Variants in TTC7B observed in about 807,000 individuals in gnomAD.
TTC7B encodes tetratricopeptide repeat protein 7B.
Under a neutral mutation model 106.8 loss-of-function variants are expected in TTC7B, and 28 were observed. That is an observed-to-expected ratio of 0.26 (90% CI 0.19 to 0.36). TTC7B has a LOEUF of 0.36. Ranked by LOEUF, TTC7B falls within the 10% of genes least tolerant of loss-of-function variation. The pLI, the probability that TTC7B is intolerant of heterozygous loss-of-function variation, is 1.00. For synonymous variants in TTC7B, 405 were observed against 430.6 expected (o/e 0.94, Z 0.74); for missense variants, 862 against 1,076.4 (o/e 0.80, Z 2.79).
At chr14:90,655,170 CAT>C in intron 11 of TTC7B, 60 bp from the exon 12 acceptor site, 1 of 1,308,236 alleles carries the variant, frequency 7.6e-7, no homozygotes, top group African/African-American at 1.4e-5. Context: ...CATGAGTTCC[CAT>C]AAGCGTCTGC....
intron 16 of TTC7B, among the ~76,000 whole-genome samples, chr14:90,615,559 G>A (rs1311547220): frequency 3.3e-5 from 5 of 152,180 alleles, no homozygotes; most frequent in Non-Finnish European, 7.3e-5. Flanking sequence ...CTAAAACACT[G>A]TATGCCCTGA....
At chr14:90,765,266 C>T (rs11849867) in intron 3 of TTC7B, among the ~76,000 whole-genome samples, 41,247 of 151,786 alleles carry the variant, frequency 0.27, 9,151 homozygotes, top group African/African-American at 0.62. Flanking sequence ...TCTATAGAGA[C>T]AGGGTATAGA....
intron 4 of TTC7B, among the ~76,000 whole-genome samples, chr14:90,737,518 C>G (rs146332228): frequency 1.3e-5 from 2 of 149,694 alleles, no homozygotes; most frequent in African/African-American, 4.9e-5. Flanking sequence ...AGAAGCCAGC[C>G]ATAAAAGATC....
intron 19 of TTC7B, among the ~76,000 whole-genome samples, chr14:90,552,962 G>A (rs1890149704): frequency 6.6e-6 from 1 of 152,246 alleles, no homozygotes; most frequent in Admixed American, 6.5e-5. Flanking sequence ...GGGGTGTGGA[G>A]CCCCAGAGAA....
At chr14:90,637,544 A>G (rs1884997964) in intron 15 of TTC7B, among the ~76,000 whole-genome samples, 1 of 152,190 alleles carries the variant, frequency 6.6e-6, no homozygotes, top group South Asian at 2.1e-4. Context: ...TTGATGCCAA[A>G]ATCTGGCAAG....
intron 3 of TTC7B, among the ~76,000 whole-genome samples, chr14:90,769,983 T>C (rs956142790): frequency 2.0e-5 from 3 of 151,092 alleles, no homozygotes; most frequent in Admixed American, 6.6e-5. Flanking sequence ...ACCCCATCTC[T>C]ACAAAAAATA....
intron 15 of TTC7B, among the ~76,000 whole-genome samples, chr14:90,623,655 G>C (rs1884309780): frequency 1.3e-5 from 2 of 152,232 alleles, no homozygotes; most frequent in Admixed American, 1.3e-4. Context: ...CTTGAGTAGG[G>C]CTGCAGGTGA....
At chr14:90,647,203 T>A in intron 13 of TTC7B, 180 bp from the exon 14 acceptor site, 1 of 594,484 alleles carries the variant, frequency 1.7e-6, no homozygotes, top group South Asian at 1.9e-5. Context: ...ATTTCCCTCT[T>A]ACCACTGTAT....
In TTC7B at chr14:90,540,700, C is replaced by T. The variant is rs1889544268; in HGVS notation, c.*668G>A. 1 of 153,676 alleles carries T rather than the reference C, an allele frequency of 6.5e-6. No homozygotes were observed. The highest frequency in any genetic ancestry group is 2.1e-4 in the South Asian group (1 of 4,826). The allele number at this position is 153,676 out of a possible 1,614,324, so 9.5% of individuals were successfully genotyped here. A position where few individuals can be genotyped will look rare whatever the true frequency, so the allele number is the denominator to read the frequency against. The stretch of plus-strand genomic sequence containing the variant: ...TTTGAAGCTTCTTTGTACATATTTC[C>T]CTCGATAAATAAACTCTGAATTCAC... On this transcript the variant is annotated 3_prime_UTR_variant, in exon 20 of 20. Coordinates refer to ENST00000328459, the MANE Select transcript of TTC7B (RefSeq NM_001010854.2).
chr14:90,758,980 T>G (rs1419031743), intron 3 of TTC7B, among the ~76,000 whole-genome samples: 30 of 152,246 alleles, frequency 2.0e-4, no homozygotes, highest in Admixed American at 2.0e-3. Flanking sequence ...TATTATATTT[T>G]TACAATTCCA....
At chr14:90,693,031 C>CA (rs1293946011) in intron 6 of TTC7B, among the ~76,000 whole-genome samples, 2 of 152,008 alleles carry the variant, frequency 1.3e-5, no homozygotes, top group Admixed American at 6.6e-5. Flanking sequence ...TAAAACTCTG[C>CA]AGACACCACA....
rs1386950303 is a variant in TTC7B at position 90,608,159 on chromosome 14, A to G, written c.1966+2583T>C. On this transcript the variant is annotated intron_variant, in intron 17 of 19. Transcript: ENST00000328459. This position sits in a 1 kb window ranked among gnomAD's most constrained non-coding sequence, Gnocchi z 5.1. Reference sequence around the variant, plus strand: ...TCTTGACTGCACCATGAGCTGAACCATATGCAACTGGGCTTTATTAATCAA... The same window carrying G: ...TCTTGACTGCACCATGAGCTGAACCGTATGCAACTGGGCTTTATTAATCAA... Among the ~76,000 whole-genome samples, 1 of 152,210 alleles carries G rather than the reference A, an allele frequency of 6.6e-6. No individual in the cohort carries two copies. The highest frequency in any genetic ancestry group is 6.5e-5 in the Admixed American group (1 of 15,286).
intron 19 of TTC7B, among the ~76,000 whole-genome samples, chr14:90,555,236 C>G (rs774055106): frequency 6.6e-6 from 1 of 152,344 alleles, no homozygotes; most frequent in East Asian, 1.9e-4. Flanking sequence ...ACTCCCTACA[C>G]CAACCTGGGG....
chr14:90,628,514 G>A (rs371164439), intron 15 of TTC7B, among the ~76,000 whole-genome samples: 44 of 152,334 alleles, frequency 2.9e-4, no homozygotes, highest in African/African-American at 1.0e-3. Flanking sequence ...AGAAGAATGG[G>A]AATCCCACCA....
chr14:90,794,448 A>C (rs1891704660), intron 1 of TTC7B, among the ~76,000 whole-genome samples: 1 of 151,668 alleles, frequency 6.6e-6, no homozygotes, highest in South Asian at 2.1e-4. Flanking sequence ...GGATGGTCTC[A>C]ATCTCTTCAC....
chr14:90,613,816 C>A lies in TTC7B; in HGVS notation c.1869-2977G>T, dbSNP rs73326823. Among the ~76,000 whole-genome samples the A allele has an allele frequency of 5.6e-3, 854 of 152,340 alleles. 7 individuals are homozygous for A. Among genetic ancestry groups the A allele is most frequent in the African/African-American group, 0.02 (811 of 41,570 alleles). On this transcript the variant is annotated intron_variant, in intron 16 of 19. Coordinates refer to ENST00000328459, the MANE Select transcript of TTC7B (RefSeq NM_001010854.2). The stretch of plus-strand genomic sequence containing the variant: ...TAGAGCGAAAGGAAACTGGAAGGAC[C>A]CCAGATCCATGGTATGTAAGCGGGA...
chr14:90,720,526 C>T (rs1194580851), intron 5 of TTC7B, among the ~76,000 whole-genome samples: 3 of 152,108 alleles, frequency 2.0e-5, no homozygotes, highest in Admixed American at 2.0e-4. Flanking sequence ...GGGCAGTATC[C>T]CTCAGACCAC....
chr14:90,560,825 G>C (rs1010662049), intron 19 of TTC7B, among the ~76,000 whole-genome samples: 3 of 152,216 alleles, frequency 2.0e-5, no homozygotes, highest in African/African-American at 7.2e-5. Context: ...CGGCAAGGAA[G>C]GTGAGATTCT....
At position 90,570,918 on chromosome 14, in the gene TTC7B, C is replaced by T. The variant is rs1891008907; in HGVS notation, c.2310+7188G>A. ...CGGGGTACGCAGTTAGTAAGCGACA[C>T]AGCTGGGACTGGAACCCAGGCAGCT... On this transcript the variant is annotated intron_variant, in intron 19 of 19. Coordinates refer to ENST00000328459, the MANE Select transcript of TTC7B (RefSeq NM_001010854.2). The surrounding 1 kb of genome is among the most constrained non-coding windows in gnomAD (Gnocchi z 4.0). Among the ~76,000 whole-genome samples the T allele has an allele frequency of 6.6e-6, 1 of 152,204 alleles. No individual in the cohort carries two copies. The highest frequency in any genetic ancestry group is 2.4e-5 in the African/African-American group (1 of 41,454).
Sources: allele counts gnomAD v4.1 joint callset (sites outside exome capture counted in the v4.1 genomes callset), GRCh38; gene constraint gnomAD v4.1.1; non-coding constraint Gnocchi (gnomAD v3.1); transcripts MANE v1.5; gene names NCBI Gene and HGNC (gene_info 2026-07-23, HGNC 2026-07-21).